The following UGGT1 variants were observed in gnomAD, a reference collection of about 807,000 sequenced individuals.
UGGT1 encodes the protein UDP-glucose glycoprotein glucosyltransferase 1, also known as UDP-glucose:glycoprotein glucosyltransferase 1.
Under a neutral mutation model 203.9 loss-of-function variants are expected in UGGT1, and 107 were observed. That is an observed-to-expected ratio of 0.52 (90% CI 0.45 to 0.62). UGGT1 has a LOEUF of 0.62. Ranked by LOEUF, UGGT1 falls within the 20% of genes least tolerant of loss-of-function variation. UGGT1 has a pLI of 0.00. For synonymous variants in UGGT1, 628 were observed against 653.5 expected (o/e 0.96, Z 0.59); for missense variants, 1,673 against 1,867.2 (o/e 0.90, Z 1.92).
chr2:128,123,334 GTCAC>G, intron 11 of UGGT1, 88 bp downstream of exon 11: 1 of 1,076,878 alleles, frequency 9.3e-7, no homozygotes, highest in Non-Finnish European at 1.4e-6. Flanking sequence ...ATTTAACAGT[GTCAC>G]TCTTCTTTTA....
At position 128,187,697 on chromosome 2, in the gene UGGT1, TA is replaced by T. The variant is rs1159833008; in HGVS notation, c.4642+87del. On this transcript the variant is annotated intron_variant, in intron 40 of 40. Coordinates refer to ENST00000259253, the MANE Select transcript of UGGT1 (RefSeq NM_020120.4). ...GTTGTAAAGACAATAGAATAATGGA[TA>T]AAAGGAAGAGAAAAATCTCCTATTA... 4 of 1,379,722 alleles carry T rather than the reference TA, an allele frequency of 2.9e-6. No individual in the cohort carries two copies. The African/African-American group carries it at 5.8e-5, about 20-fold the overall frequency. The allele number at this position is 1,379,722 out of a possible 1,614,324, so 85.5% of individuals were successfully genotyped here.
intron 1 of UGGT1, among the ~76,000 whole-genome samples, 176 bp from the exon 2 acceptor site, chr2:128,097,253 G>A (rs1358383233): frequency 6.6e-6 from 1 of 152,150 alleles, no homozygotes; most frequent in African/African-American, 2.4e-5. Flanking sequence ...GTGCGTGCCT[G>A]TAATCCCAGC....
At position 128,168,520 on chromosome 2, in the gene UGGT1, T is replaced by TA. The variant is rs894650376; in HGVS notation, c.2922-1759dup. Among the ~76,000 whole-genome samples, 108 of 151,380 alleles carry TA rather than the reference T, an allele frequency of 7.1e-4. 1 individual carries two copies. The highest frequency in any genetic ancestry group is 2.1e-3 in the African/African-American group (86 of 41,262). On this transcript the variant is annotated intron_variant, in intron 26 of 40. Transcript: ENST00000259253. ...TCCCACTTAGGTAAATGTTGTTTGGTAAAAAAAAAGTAAAAGTAGTGGTTA... is the reference window on the plus strand; with the variant it reads ...TCCCACTTAGGTAAATGTTGTTTGGTAAAAAAAAAAGTAAAAGTAGTGGTTA...
chr2:128,111,545 GC>G (rs1320896065), intron 5 of UGGT1, among the ~76,000 whole-genome samples: 2 of 151,434 alleles, frequency 1.3e-5, no homozygotes, highest in Non-Finnish European at 1.5e-5. Flanking sequence ...TCGCTCTGTC[GC>G]CCAGGCTGGA....
In UGGT1 at chr2:128,164,719, C is replaced by G; in HGVS notation, c.2826-11C>G. ...AAAAGATGTTAAGATTTCTCTAACC[C>G]CTTCTTTCAGGGCAAGCGACTTGGT... On this transcript the variant is annotated splice_polypyrimidine_tract_variant and intron_variant, in intron 25 of 40. Coordinates refer to ENST00000259253, the MANE Select transcript of UGGT1 (RefSeq NM_020120.4). 1.2e-6 allele frequency: 2 copies of G among 1,612,310 alleles called. No individual in the cohort carries two copies. Among genetic ancestry groups the G allele is most frequent in the Non-Finnish European group, 1.7e-6 (2 of 1,178,494 alleles).
intron 3 of UGGT1, 34 bp downstream of exon 3, chr2:128,104,048 T>A (rs1274553285): frequency 2.0e-6 from 3 of 1,481,638 alleles, no homozygotes; most frequent in Non-Finnish European, 2.7e-6. Context: ...TTGACTTTGG[T>A]GTCTGGGAAA....
chr2:128,128,874 A>AT (rs1193337702), intron 12 of UGGT1, among the ~76,000 whole-genome samples, 155 bp from the exon 13 acceptor site: 1 of 152,150 alleles, frequency 6.6e-6, no homozygotes, highest in African/African-American at 2.4e-5. Flanking sequence ...ATTTAGGGTT[A>AT]TTTTATCCTC....
chr2:128,154,144 A>C (rs1267768579), intron 19 of UGGT1, among the ~76,000 whole-genome samples: 1 of 152,114 alleles, frequency 6.6e-6, no homozygotes, highest in African/African-American at 2.4e-5. Context: ...CTTATATTTG[A>C]GAAAGAAACT....
intron 27 of UGGT1, 76 bp downstream of exon 27, chr2:128,170,466 C>A: frequency 7.5e-7 from 1 of 1,332,416 alleles, no homozygotes; most frequent in Non-Finnish European, 1.1e-6. Context: ...CTGAGAGCTT[C>A]GTTTTCCTTG....
At chr2:128,146,744 A>G (rs1319536635) in intron 18 of UGGT1, among the ~76,000 whole-genome samples, 1 of 151,978 alleles carries the variant, frequency 6.6e-6, no homozygotes. Context: ...ACTCCTCTCC[A>G]TTTTGCCCAT....
rs748928955 is a variant in UGGT1 at position 128,097,543 on chromosome 2, C to G, written c.173C>G (p.Thr58Ser). The G allele has an allele frequency of 1.2e-6, 2 of 1,614,002 alleles. No individual in the cohort carries two copies. Among genetic ancestry groups the G allele is most frequent in the East Asian group, 2.2e-5 (1 of 44,894 alleles). The change falls in exon 2 of 41, where the codon ACT becomes AGT. Residue 58 changes from threonine (T) to serine (S), a missense_variant. Thr to Ser is a moderately conservative substitution (Grantham distance 58). Transcript: ENST00000259253. ...TCTCTTACAACAAAATGGTTTTCCA[C>G]TCCATTGTTGTTAGAAGCCAGGTAA... Reference protein sequence around the residue: ...TTSLTTKWFSTPLLLEASEFL... With the variant: ...TTSLTTKWFSSPLLLEASEFL...
intron 2 of UGGT1, 105 bp downstream of exon 2, chr2:128,097,669 T>C (rs1687176693): frequency 3.2e-5 from 45 of 1,400,842 alleles, no homozygotes; most frequent in Middle Eastern, 2.2e-4. Flanking sequence ...TCAAATGCAT[T>C]TATGAAGAGC....
Position 128,193,588 on chromosome 2 carries a change from C to G in UGGT1, c.*3846C>G, listed in dbSNP as rs1315967801. 1.3e-5 allele frequency: 2 copies of G among 152,242 alleles called. No homozygotes were observed. Among genetic ancestry groups the G allele is most frequent in the Non-Finnish European group, 2.9e-5 (2 of 68,126 alleles). The allele number at this position is 152,242 out of a possible 1,614,324, so 9.4% of individuals were successfully genotyped here. A position where few individuals can be genotyped will look rare whatever the true frequency, so the allele number is the denominator to read the frequency against. ...CCTCGTGTTCTGAACCTTGTCAAGG[C>G]TCTGCCTGAATGAGTTTTCATCTGA... On this transcript the variant is annotated 3_prime_UTR_variant, in exon 41 of 41. Coordinates refer to ENST00000259253, the MANE Select transcript of UGGT1 (RefSeq NM_020120.4).
At chr2:128,157,486 C>T (rs1690296170) in intron 22 of UGGT1, 140 bp downstream of exon 22, 4 of 613,026 alleles carry the variant, frequency 6.5e-6, no homozygotes, top group Non-Finnish European at 1.1e-5. Flanking sequence ...AATTGTATCT[C>T]TAGAGATCTG....
At chr2:128,153,817 T>G (rs1467350991) in intron 19 of UGGT1, among the ~76,000 whole-genome samples, 1 of 152,184 alleles carries the variant, frequency 6.6e-6, no homozygotes, top group African/African-American at 2.4e-5. Context: ...CCTTGTGCCT[T>G]CCTCGAGATT....
Position 128,109,712 on chromosome 2 carries a change from A to G in UGGT1, c.487A>G (p.Thr163Ala). The G allele has an allele frequency of 2.5e-6, 4 of 1,614,086 alleles. No homozygotes were observed. Among genetic ancestry groups the G allele is most frequent in the Admixed American group, 1.7e-5 (1 of 60,006 alleles). Residue 163 changes from threonine (T) to alanine (A), a missense_variant, in exon 5 of 41, where the codon ACC becomes GCC. Around this residue, in one of 4 missense-constraint regions of UGGT1, gnomAD observed 1,073 missense variants for 1,078.7 expected, o/e 0.99. Transcript: ENST00000259253. ...TGGAAAGAAGACTTGTGAATCTGATACCCTTGAGGCTCTTCTACTGACAGC... is the reference window on the plus strand; with the variant it reads ...TGGAAAGAAGACTTGTGAATCTGATGCCCTTGAGGCTCTTCTACTGACAGC... ...VHGKKTCESD[T>A]LEALLLTASE...
chr2:128,135,265 A>G (rs532179079), intron 15 of UGGT1, among the ~76,000 whole-genome samples: 3 of 152,356 alleles, frequency 2.0e-5, no homozygotes, highest in East Asian at 3.9e-4. Flanking sequence ...CACAAAACCT[A>G]TTTCCACTTT....
intron 36 of UGGT1, 96 bp from the exon 37 acceptor site, chr2:128,182,034 T>C: frequency 3.2e-6 from 4 of 1,261,256 alleles, no homozygotes; most frequent in Non-Finnish European, 4.4e-6. Context: ...GGAGCAGCCT[T>C]CCATGCTGCC....
chr2:128,160,403 G>A (rs764409812), intron 23 of UGGT1, 57 bp from the exon 24 acceptor site: 74 of 1,519,620 alleles, frequency 4.9e-5, no homozygotes, highest in Non-Finnish European at 5.7e-5. Context: ...GTGTTTATTT[G>A]TTTATATGGT....
Sources: gnomAD v4.1 joint callset for allele counts (sites outside exome capture counted in the v4.1 genomes callset) on GRCh38, gnomAD v4.1.1 for gene constraint, gnomAD v4.1.1 regional missense constraint, MANE v1.5 for transcripts, NCBI Gene and HGNC (gene_info 2026-07-23, HGNC 2026-07-21) for gene names.